The following SH3KBP1 variants were observed in gnomAD, a reference collection of about 807,000 sequenced individuals.
SH3KBP1 encodes the protein SH3 domain-containing kinase-binding protein 1.
A neutral mutation model predicts 50.1 loss-of-function variants in SH3KBP1; 8 were observed. The observed-to-expected ratio is 0.16, with a 90% CI of 0.09 to 0.29. SH3KBP1 has a LOEUF of 0.29. Ranked by LOEUF, SH3KBP1 falls within the 10% of genes least tolerant of loss-of-function variation. The pLI is 1.00. For missense variants in SH3KBP1, 377 were observed against 535.2 expected, an observed-to-expected ratio of 0.70 and a Z score of 2.92; for synonymous variants, 227 against 218.6, an observed-to-expected ratio of 1.04 and a Z score of -0.34.
chrX:19,588,902 A>C, intron 11 of SH3KBP1, 100 bp from the exon 12 acceptor site: 1 of 735,930 alleles, frequency 1.4e-6, no homozygotes, highest in Non-Finnish European at 1.9e-6. Context: ...AAAATTACTG[A>C]TGCTATTTCT....
chrX:19,587,673 G>T (rs1042060996), intron 12 of SH3KBP1, among the ~76,000 whole-genome samples: 1 of 111,956 alleles, frequency 8.9e-6, no homozygotes. Context: ...TGAAAAAAGT[G>T]AGGTGAGAGG....
intron 2 of SH3KBP1, among the ~76,000 whole-genome samples, chrX:19,779,439 T>A (rs937992519): frequency 1.8e-5 from 2 of 109,191 alleles, no homozygotes; most frequent in South Asian, 7.9e-4. Flanking sequence ...ATTTTTTTTT[T>A]ATTATACTTT....
At chrX:19,749,642 G>A (rs1002602201) in intron 2 of SH3KBP1, among the ~76,000 whole-genome samples, 5 of 112,458 alleles carry the variant, frequency 4.4e-5, no homozygotes, top group African/African-American at 9.7e-5. Flanking sequence ...TAGATTAGAG[G>A]TTACCTGAAA....
chrX:19,604,702 C>T (rs1268721118), intron 9 of SH3KBP1, among the ~76,000 whole-genome samples: 2 of 111,604 alleles, frequency 1.8e-5, no homozygotes, highest in Admixed American at 9.6e-5. Context: ...TATCTCCAGT[C>T]GCATTGTCAC....
At chrX:19,881,515 G>A (rs1326618602) in intron 1 of SH3KBP1, among the ~76,000 whole-genome samples, 1 of 111,977 alleles carries the variant, frequency 8.9e-6, no homozygotes, top group East Asian at 2.8e-4. Flanking sequence ...GCTAGGAGAG[G>A]ATACCAATGA....
chrX:19,772,754 G>A (rs1358203259), intron 2 of SH3KBP1, among the ~76,000 whole-genome samples: 1 of 111,371 alleles, frequency 9.0e-6, no homozygotes, highest in Non-Finnish European at 1.9e-5. Flanking sequence ...GAAAAGGGTC[G>A]GGAGGAGGAT....
intron 2 of SH3KBP1, among the ~76,000 whole-genome samples, chrX:19,804,765 G>A (rs2066983961): frequency 9.2e-6 from 1 of 109,111 alleles, no homozygotes; most frequent in African/African-American, 3.3e-5. Context: ...CCAGAAGATA[G>A]AGAGCTAGGT....
At chrX:19,824,723 C>T (rs949084490) in intron 2 of SH3KBP1, among the ~76,000 whole-genome samples, 5 of 111,767 alleles carry the variant, frequency 4.5e-5, no homozygotes, top group Non-Finnish European at 9.4e-5. Flanking sequence ...TTCCATTATG[C>T]ATAATCACCA....
chrX:19,853,149 C>T (rs987613463), intron 1 of SH3KBP1, among the ~76,000 whole-genome samples: 13 of 112,164 alleles, frequency 1.2e-4, no homozygotes, highest in Non-Finnish European at 2.1e-4. Flanking sequence ...TGTGTATGTG[C>T]GTGTGCACGT....
intron 2 of SH3KBP1, among the ~76,000 whole-genome samples, chrX:19,772,785 G>A (rs1303407440): frequency 1.3e-4 from 15 of 111,486 alleles, no homozygotes; most frequent in South Asian, 3.7e-4. Context: ...AATTAAACAC[G>A]ATTCTAAAAC....
In SH3KBP1 at chrX:19,746,390, T is replaced by C; in HGVS notation, c.214A>G (p.Lys72Glu). ...KDPLTNKAPE[K>E]PLHEVPSGNS... Reference sequence around the variant, plus strand: ...CCACTGGGCACTTCGTGCAGGGGCTTTTCTGGAGCTTTGTTGGTGAGAGGG... The same window carrying C: ...CCACTGGGCACTTCGTGCAGGGGCTCTTCTGGAGCTTTGTTGGTGAGAGGG... Residue 72 changes from lysine (K) to glutamate (E), a missense_variant, in exon 3 of 18, where the codon AAG becomes GAG. Around this residue, in one of 3 missense-constraint regions of SH3KBP1, gnomAD observed 257 missense variants for 374.2 expected, o/e 0.69. Coordinates refer to ENST00000397821, the MANE Select transcript of SH3KBP1 (RefSeq NM_031892.3). 1 of 1,205,382 alleles carries C rather than the reference T, an allele frequency of 8.3e-7. No homozygotes were observed. Among genetic ancestry groups the C allele is most frequent in the Non-Finnish European group, 1.1e-6 (1 of 892,401 alleles).
At chrX:19,626,881 T>G (rs1248462056) in intron 8 of SH3KBP1, among the ~76,000 whole-genome samples, 3 of 111,429 alleles carry the variant, frequency 2.7e-5, no homozygotes, top group African/African-American at 9.8e-5. Context: ...GGTCCCCTCT[T>G]TCTCTAGGGT....
chrX:19,861,410 A>C (rs759395806), intron 1 of SH3KBP1, among the ~76,000 whole-genome samples: 1 of 110,803 alleles, frequency 9.0e-6, no homozygotes, highest in Non-Finnish European at 1.9e-5. Context: ...AAAAATAAAT[A>C]ATAAAAAAAA....
At chrX:19,770,407 G>A (rs2065755230) in intron 2 of SH3KBP1, among the ~76,000 whole-genome samples, 1 of 112,225 alleles carries the variant, frequency 8.9e-6, no homozygotes, top group Non-Finnish European at 1.9e-5. Flanking sequence ...ATTCCATGGT[G>A]TATATATACC....
intron 2 of SH3KBP1, among the ~76,000 whole-genome samples, chrX:19,816,329 C>T (rs971376257): frequency 3.0e-4 from 34 of 111,942 alleles, no homozygotes; most frequent in African/African-American, 1.1e-3. Context: ...AATGTCTGTT[C>T]GTGTATTTCA....
At chrX:19,554,144 T>A (rs192256684) in intron 13 of SH3KBP1, among the ~76,000 whole-genome samples, 2,563 of 60,073 alleles carry the variant, frequency 0.043, 233 homozygotes, top group African/African-American at 0.16. Context: ...TTAAAATATA[T>A]TATATATCAT....
At chrX:19,725,292 TA>T (rs5901663) in intron 3 of SH3KBP1, among the ~76,000 whole-genome samples, 1,765 of 73,329 alleles carry the variant, frequency 0.024, 21 homozygotes, top group African/African-American at 0.055. Context: ...GTCTCTACTC[TA>T]AAAAAAAAAA....
chrX:19,601,805 G>A (rs2067099583), intron 9 of SH3KBP1, among the ~76,000 whole-genome samples: 1 of 111,168 alleles, frequency 9.0e-6, no homozygotes. Flanking sequence ...TCTAGGTGAT[G>A]ACAGTGTCTT....
At chrX:19,721,097 C>T (rs2064047389) in intron 3 of SH3KBP1, among the ~76,000 whole-genome samples, 1 of 110,832 alleles carries the variant, frequency 9.0e-6, no homozygotes, top group South Asian at 3.8e-4. Context: ...CCCTTCTCAT[C>T]CCCATCAGAA....
Sources: gnomAD v4.1 joint callset for allele counts (sites outside exome capture counted in the v4.1 genomes callset) on GRCh38, gnomAD v4.1.1 for gene constraint, gnomAD v4.1.1 regional missense constraint, MANE v1.5 for transcripts, NCBI Gene and HGNC (gene_info 2026-07-23, HGNC 2026-07-21) for gene names.